Variants in PLEKHH1 observed in about 807,000 individuals in gnomAD.
PLEKHH1 encodes pleckstrin homology domain-containing family H member 1.
PLEKHH1 carries 104 observed loss-of-function variants against 160.0 expected under a neutral mutation model. The observed-to-expected ratio is 0.65, with a 90% confidence interval of 0.55 to 0.76. PLEKHH1 has a LOEUF of 0.76. PLEKHH1 is among the 30% of genes least tolerant of loss of function. The probability of loss-of-function intolerance (pLI) is 0.00; values close to 1 mark genes in which losing one functional copy is unlikely to be tolerated. For missense variants in PLEKHH1, 1,427 were observed against 1,724.1 expected (o/e 0.83, Z 3.05); for synonymous variants, 619 against 678.4 (o/e 0.91, Z 1.36).
chr14:67,569,678 T>G (rs141890724), intron 8 of PLEKHH1: 9,216 of 552,126 alleles, frequency 0.017, 104 homozygotes, highest in Middle Eastern at 0.043. Context: ...GCAAGCCTCA[T>G]GGAGGAAAAA....
In PLEKHH1 at chr14:67,586,037, A is replaced by G. The variant is rs2036143612; in HGVS notation, c.3873A>G (p.Pro1291=). Residue 1291 remains proline, a synonymous_variant, in exon 28 of 29, where the codon CCA becomes CCG. Coordinates refer to ENST00000329153, the MANE Select transcript of PLEKHH1 (RefSeq NM_020715.3). The part of the protein sequence containing the change: ...DDFMLVIRSI[P]DKSSGKSHIE... The stretch of plus-strand genomic sequence containing the variant: ...TCATGCTTGTGATTAGATCTATCCC[A>G]GACAAGAGCTCTGGAAAAAGCCACA... 3 of 1,613,904 alleles carry G rather than the reference A, an allele frequency of 1.9e-6. No homozygotes were observed. Among genetic ancestry groups the G allele is most frequent in the East Asian group, 2.2e-5 (1 of 44,894 alleles).
intron 3 of PLEKHH1, among the ~76,000 whole-genome samples, chr14:67,556,314 T>A (rs1294774847): frequency 1.3e-5 from 2 of 152,194 alleles, no homozygotes; most frequent in African/African-American, 4.8e-5. Flanking sequence ...GATGTATTTT[T>A]TATTAGAGAT....
chr14:67,570,136 G>C (rs2273593), intron 9 of PLEKHH1, 124 bp downstream of exon 9: 212,004 of 752,040 alleles, frequency 0.28, 30,743 homozygotes, highest in South Asian at 0.36. Flanking sequence ...CCAGGGAGCT[G>C]AGCCCAGCAC....
At chr14:67,572,034 G>T in intron 10 of PLEKHH1, 101 bp from the exon 11 acceptor site, 1 of 1,488,520 alleles carries the variant, frequency 6.7e-7, no homozygotes, top group Non-Finnish European at 9.1e-7. Context: ...CCCAGCCCCA[G>T]AGACCGGGTC....
At chr14:67,565,178 A>G (rs1214485125) in intron 7 of PLEKHH1, among the ~76,000 whole-genome samples, 21 of 152,108 alleles carry the variant, frequency 1.4e-4, no homozygotes, top group Admixed American at 1.4e-3. Flanking sequence ...TCAGGAAACC[A>G]CTGTTCCCCA....
rs997116630 is a variant in PLEKHH1, at chr14:67,573,459, G to A, written c.1839+73G>A. On this transcript the variant is annotated intron_variant, in intron 12 of 28. Coordinates refer to ENST00000329153, the MANE Select transcript of PLEKHH1 (RefSeq NM_020715.3). The surrounding 1 kb of genome is among the most constrained non-coding windows in gnomAD (Gnocchi z 4.8). The stretch of plus-strand genomic sequence containing the variant: ...CACCCTGGACTATGTCAGATGGGAC[G>A]GAGGAGGGGGAATGTGGCCCAAGGC... 1.4e-5 allele frequency: 14 copies of A among 1,004,240 alleles called. No homozygotes were observed. Among genetic ancestry groups the A allele is most frequent in the South Asian group, 2.8e-5 (2 of 72,410 alleles). The allele number at this position is 1,004,240 out of a possible 1,614,324, so 62.2% of individuals were successfully genotyped here.
At position 67,572,143 on chromosome 14, in the gene PLEKHH1, A is replaced by T. The variant is rs1401211988; in HGVS notation, c.1594A>T (p.Met532Leu). The T allele has an allele frequency of 6.2e-7, 1 of 1,606,760 alleles. No homozygotes were observed. The highest frequency in any genetic ancestry group is 1.3e-5 in the African/African-American group (1 of 74,772). ...SPRAIKRGVSMSSLSSEGDYA... is the reference protein window; with the variant it reads ...SPRAIKRGVSLSSLSSEGDYA... ...CCTCCTCCCTCGGCAAGGCGTCTCC[A>T]TGTCCTCACTGAGCTCCGAGGGTGA... is the stretch of plus-strand genomic sequence containing the variant. The change falls in exon 11 of 29, where the codon ATG becomes TTG. Residue 532 changes from methionine (M) to leucine (L), a missense_variant. Met to Leu is a conservative substitution (Grantham distance 15). Transcript: ENST00000329153.
chr14:67,562,901 G>T lies in PLEKHH1; in HGVS notation c.1263+7G>T, dbSNP rs1454409933. On this transcript the variant is annotated splice_region_variant and intron_variant, in intron 7 of 28. Transcript: ENST00000329153. ...GCACCAGTTTTCATCCTGGGTAAGA[G>T]GCAACCTCCGGGCTGGGCAGAGGAG... The T allele has an allele frequency of 6.2e-7, 1 of 1,609,888 alleles. No individual in the cohort carries two copies.
chr14:67,557,207 C>T (rs2034629432), intron 3 of PLEKHH1, 62 bp from the exon 4 acceptor site: 6 of 1,449,678 alleles, frequency 4.1e-6, no homozygotes, highest in Non-Finnish European at 5.7e-6. Flanking sequence ...TCCCACGTTA[C>T]TGGCCACTGC....
rs547618550 is a variant in PLEKHH1 at position 67,573,796 on chromosome 14, T to C, written c.1840-5T>C. ...TGGCTCTCCTCTCCAATACTTTCTTTACAGAGTGATGTCATCCGGAAACCT... is the reference window on the plus strand; with the variant it reads ...TGGCTCTCCTCTCCAATACTTTCTTCACAGAGTGATGTCATCCGGAAACCT... On this transcript the variant is annotated splice_region_variant and splice_polypyrimidine_tract_variant and intron_variant, in intron 12 of 28. Transcript: ENST00000329153. This position sits in a 1 kb window ranked among gnomAD's most constrained non-coding sequence, Gnocchi z 4.8. 2 of 1,603,448 alleles carry C rather than the reference T, an allele frequency of 1.2e-6. No homozygotes were observed. The highest frequency in any genetic ancestry group is 1.7e-6 in the Non-Finnish European group (2 of 1,170,240).
intron 2 of PLEKHH1, among the ~76,000 whole-genome samples, chr14:67,542,641 C>T (rs2034016247): frequency 6.6e-6 from 1 of 152,104 alleles, no homozygotes; most frequent in South Asian, 2.1e-4. Context: ...GGAAACTGAC[C>T]ACCTTTCCTA....
chr14:67,586,523 T>G (rs2036172088), intron 28 of PLEKHH1: 5 of 758,684 alleles, frequency 6.6e-6, no homozygotes, highest in Non-Finnish European at 9.9e-6. Flanking sequence ...AGTCCCACAG[T>G]GCTCCCTCTT....
chr14:67,556,298 A>C (rs2034591944), intron 3 of PLEKHH1, among the ~76,000 whole-genome samples: 1 of 152,176 alleles, frequency 6.6e-6, no homozygotes, highest in Non-Finnish European at 1.5e-5. Flanking sequence ...CAAGGAAAGA[A>C]AGCTGGATGT....
intron 2 of PLEKHH1, among the ~76,000 whole-genome samples, chr14:67,546,484 G>A (rs934151242): frequency 2.6e-5 from 4 of 152,132 alleles, no homozygotes; most frequent in African/African-American, 9.7e-5. Flanking sequence ...TCCCCATCCT[G>A]GGTTCAAGCG....
At chr14:67,534,349 C>T (rs2033609791) in intron 1 of PLEKHH1, among the ~76,000 whole-genome samples, 1 of 152,130 alleles carries the variant, frequency 6.6e-6, no homozygotes, top group Non-Finnish European at 1.5e-5. Context: ...GAAGCCAAGG[C>T]AGGAGGAGAG....
rs543757883 is a variant in PLEKHH1, at chr14:67,587,672, G to A, written c.*437G>A. The A allele has an allele frequency of 1.2e-4, 23 of 198,292 alleles. No individual in the cohort carries two copies. Among genetic ancestry groups the A allele is most frequent in the African/African-American group, 4.5e-4 (19 of 42,098 alleles). 12.3% of individuals were successfully genotyped at this position (198,292 alleles called of 1,614,324 possible). On this transcript the variant is annotated 3_prime_UTR_variant, in exon 29 of 29. Transcript: ENST00000329153. ...AAGCAATTCTCCTGCCTCAGCCTTC[G>A]GAGTGGCTGGGATTACAGGTGTGCG...
At position 67,579,704 on chromosome 14, in the gene PLEKHH1, C is replaced by T. The variant is rs2035798721; in HGVS notation, c.3028-17C>T. The T allele has an allele frequency of 6.2e-7, 1 of 1,609,732 alleles. No homozygotes were observed. The highest frequency in any genetic ancestry group is 1.7e-5 in the Admixed American group (1 of 59,532). Reference sequence around the variant, plus strand: ...TCAGGAGGTTCACTCAGGGTTGGAACTCTTCTCCCGCCTCAGGTGGTTGGT... The same window carrying T: ...TCAGGAGGTTCACTCAGGGTTGGAATTCTTCTCCCGCCTCAGGTGGTTGGT... On this transcript the variant is annotated splice_polypyrimidine_tract_variant and intron_variant, in intron 21 of 28. Transcript: ENST00000329153.
At chr14:67,563,043 CCACA>C in intron 7 of PLEKHH1, 149 bp downstream of exon 7, 1 of 752,614 alleles carries the variant, frequency 1.3e-6, no homozygotes, top group Non-Finnish European at 2.1e-6. Context: ...CCTGTGCAGA[CCACA>C]CAACCAGTGA....
In PLEKHH1 at chr14:67,574,462, G is replaced by A. The variant is rs2035533992; in HGVS notation, c.2088+59G>A. ...GCCTCCTGCGAATCAGGGGAGCCAG[G>A]ATTGGGGTGCCGAGGGTGGTGGGTT... On this transcript the variant is annotated intron_variant, in intron 14 of 28. Coordinates refer to ENST00000329153, the MANE Select transcript of PLEKHH1 (RefSeq NM_020715.3). The surrounding 1 kb of genome is among the most constrained non-coding windows in gnomAD (Gnocchi z 4.2). 7.4e-7 allele frequency: 1 copy of A among 1,360,260 alleles called. No individual in the cohort carries two copies. The highest frequency in any genetic ancestry group is 3.1e-5 in the Admixed American group (1 of 32,714). The allele number at this position is 1,360,260 out of a possible 1,614,324, so 84.3% of individuals were successfully genotyped here. A position where few individuals can be genotyped will look rare whatever the true frequency, so the allele number is the denominator to read the frequency against.
Sources: allele counts gnomAD v4.1 joint callset (sites outside exome capture counted in the v4.1 genomes callset), GRCh38; gene constraint gnomAD v4.1.1; non-coding constraint Gnocchi (gnomAD v3.1); transcripts MANE v1.5; gene names NCBI Gene and HGNC (gene_info 2026-07-23, HGNC 2026-07-21).